The following AGBL4 variants were observed in gnomAD, a reference collection of about 807,000 sequenced individuals.
AGBL4 encodes the protein AGBL carboxypeptidase 4.
AGBL4 carries 58 observed loss-of-function variants against 66.4 expected under a neutral mutation model. That is an observed-to-expected ratio of 0.87 (90% CI 0.71 to 1.09). AGBL4 has a LOEUF of 1.09. AGBL4 is among the 50% of genes least tolerant of loss of function. The pLI, the probability that AGBL4 is intolerant of heterozygous loss-of-function variation, is 0.00. For synonymous variants in AGBL4, 234 were observed against 222.9 expected (o/e 1.05, Z -0.44); for missense variants, 579 against 631.0 (o/e 0.92, Z 0.88).
intron 3 of AGBL4, among the ~76,000 whole-genome samples, chr1:49,252,244 C>G (rs1428786913): frequency 6.6e-6 from 1 of 151,958 alleles, no homozygotes; most frequent in Non-Finnish European, 1.5e-5. Context: ...AAACACACTA[C>G]AAGAATTTCA....
At chr1:49,132,136 A>T (rs769469189) in intron 4 of AGBL4, among the ~76,000 whole-genome samples, 7 of 152,108 alleles carry the variant, frequency 4.6e-5, no homozygotes, top group Non-Finnish European at 1.0e-4. Context: ...GAAAAAATAA[A>T]CAGGAGTGTG....
intron 4 of AGBL4, among the ~76,000 whole-genome samples, chr1:49,186,217 T>C (rs1346708315): frequency 6.6e-6 from 1 of 152,198 alleles, no homozygotes; most frequent in African/African-American, 2.4e-5. Context: ...CCTATATTCA[T>C]ATGCCCCTCT....
chr1:49,452,992 A>G (rs1449531059), intron 3 of AGBL4, among the ~76,000 whole-genome samples: 2 of 151,902 alleles, frequency 1.3e-5, no homozygotes, highest in Non-Finnish European at 2.9e-5. Context: ...CATGCCAGAA[A>G]AATATAGTTT....
chr1:49,737,785 C>T (rs1650022065), intron 2 of AGBL4, among the ~76,000 whole-genome samples: 1 of 152,230 alleles, frequency 6.6e-6, no homozygotes, highest in African/African-American at 2.4e-5. Context: ...AAAAGACTTT[C>T]AACTCAGAAT....
At chr1:48,904,305 C>T (rs764084433) in intron 5 of AGBL4, among the ~76,000 whole-genome samples, 5 of 152,060 alleles carry the variant, frequency 3.3e-5, no homozygotes, top group Non-Finnish European at 5.9e-5. Flanking sequence ...AAAATGATCT[C>T]AATTACTGCT....
At chr1:49,139,544 T>C (rs1646076952) in intron 4 of AGBL4, among the ~76,000 whole-genome samples, 1 of 152,090 alleles carries the variant, frequency 6.6e-6, no homozygotes, top group Non-Finnish European at 1.5e-5. Flanking sequence ...TTCCATACAG[T>C]TGTATGGAGG....
chr1:49,276,731 C>T (rs1326464890), intron 3 of AGBL4, among the ~76,000 whole-genome samples: 1 of 152,172 alleles, frequency 6.6e-6, no homozygotes, highest in African/African-American at 2.4e-5. Context: ...GTCTTGTCAC[C>T]ATGACCGGAT....
intron 3 of AGBL4, among the ~76,000 whole-genome samples, chr1:49,656,668 G>T (rs1478026422): frequency 1.3e-5 from 2 of 152,054 alleles, no homozygotes; most frequent in African/African-American, 4.8e-5. Flanking sequence ...ATGATCAAGT[G>T]GGCTTCATCC....
intron 6 of AGBL4, among the ~76,000 whole-genome samples, chr1:48,850,284 G>T (rs1378390497): frequency 6.6e-6 from 1 of 152,126 alleles, no homozygotes; most frequent in African/African-American, 2.4e-5. Flanking sequence ...AGGTGACTTA[G>T]CCCTGTTTGC....
intron 2 of AGBL4, among the ~76,000 whole-genome samples, chr1:49,705,956 T>C (rs1187641126): frequency 3.3e-5 from 5 of 152,202 alleles, no homozygotes; most frequent in African/African-American, 1.2e-4. Context: ...CAGTATTTTA[T>C]TGAGGATTTT....
intron 1 of AGBL4, among the ~76,000 whole-genome samples, chr1:49,895,445 G>T (rs1005931493): frequency 6.6e-6 from 1 of 151,866 alleles, no homozygotes; most frequent in Non-Finnish European, 1.5e-5. Context: ...TTCTTAAGTA[G>T]AAAGACTAAA....
At chr1:48,550,796 A>C (rs1190842268) in intron 11 of AGBL4, among the ~76,000 whole-genome samples, 1 of 152,118 alleles carries the variant, frequency 6.6e-6, no homozygotes, top group Non-Finnish European at 1.5e-5. Flanking sequence ...ACCCCACCTG[A>C]CCTACACATG....
chr1:49,086,834 G>GCCTGCCTGCCAACTGTAGCC (rs1320104789), intron 4 of AGBL4, among the ~76,000 whole-genome samples: 106 of 152,094 alleles, frequency 7.0e-4, no homozygotes, highest in Non-Finnish European at 6.6e-4. Context: ...CAAAGATGCA[G>GCCTGCCTGCCAACTGTAGCC]CCTGCCTGCC....
chr1:49,275,637 A>T (rs918827305), intron 3 of AGBL4, among the ~76,000 whole-genome samples: 34 of 152,154 alleles, frequency 2.2e-4, no homozygotes, highest in African/African-American at 7.2e-4. Context: ...TGTTTCAGAA[A>T]AAACCTATAG....
At chr1:48,649,111 G>A (rs1386723747) in intron 8 of AGBL4, among the ~76,000 whole-genome samples, 1 of 152,184 alleles carries the variant, frequency 6.6e-6, no homozygotes, top group African/African-American at 2.4e-5. Context: ...CAGAGAACAA[G>A]GTAAACAAAG....
At chr1:49,706,773 C>T (rs975157020) in intron 2 of AGBL4, among the ~76,000 whole-genome samples, 3 of 152,130 alleles carry the variant, frequency 2.0e-5, no homozygotes, top group Non-Finnish European at 4.4e-5. Context: ...TTTCAAAGAA[C>T]TTCTTTATTT....
chr1:48,920,146 C>A (rs1251089384), intron 5 of AGBL4, among the ~76,000 whole-genome samples: 1 of 152,100 alleles, frequency 6.6e-6, no homozygotes, highest in African/African-American at 2.4e-5. Context: ...ATAAAGATTG[C>A]CTGTAGACTT....
intron 3 of AGBL4, among the ~76,000 whole-genome samples, chr1:49,421,624 A>T (rs1273681326): frequency 6.6e-6 from 1 of 152,194 alleles, no homozygotes; most frequent in Non-Finnish European, 1.5e-5. Context: ...CACTAATAAT[A>T]ATAATAGTTA....
intron 2 of AGBL4, among the ~76,000 whole-genome samples, chr1:49,850,322 C>A (rs1646272849): frequency 6.6e-6 from 1 of 152,070 alleles, no homozygotes; most frequent in Admixed American, 6.5e-5. Context: ...CTGTAGGAAG[C>A]TAGGGGGAGA....
Sources: gnomAD v4.1 joint callset for allele counts (sites outside exome capture counted in the v4.1 genomes callset) on GRCh38, gnomAD v4.1.1 for gene constraint, MANE v1.5 for transcripts, NCBI Gene and HGNC (gene_info 2026-07-23, HGNC 2026-07-21) for gene names.